The following SYTL2 variants were observed in gnomAD, a reference collection of about 807,000 sequenced individuals.
SYTL2 encodes synaptotagmin like 2.
In SYTL2, 165 loss-of-function variants were observed where a neutral mutation model predicts 198.7. The ratio of observed to expected loss-of-function variants is 0.83; its 90% CI spans 0.73 to 0.94. SYTL2 has a LOEUF of 0.94. SYTL2 is among the 40% of genes least tolerant of loss of function. SYTL2 has a pLI of 0.00. For missense variants in SYTL2, 2,835 were observed against 2,582.8 expected (o/e 1.10, Z -2.12); for synonymous variants, 966 against 917.7 (o/e 1.05, Z -0.95).
Position 85,712,879 on chromosome 11 carries a change from G to C in SYTL2, c.5625+1534C>G, listed in dbSNP as rs1465282542. 2.6e-5 allele frequency among the ~76,000 whole-genome samples: 4 copies of C among 152,008 alleles called. 1 individual carries two copies. The South Asian group carries it at 6.2e-4, about 24-fold the overall frequency. ...TTATAGACATGAGCCACCATGCCCG[G>C]CTAATTTTTTGAATTTTTAGTAGAG... On this transcript the variant is annotated intron_variant, in intron 12 of 19. Transcript: ENST00000359152.
chr11:85,810,547 C>A (rs772386870), intron 1 of SYTL2, among the ~76,000 whole-genome samples: 4 of 152,102 alleles, frequency 2.6e-5, no homozygotes, highest in Non-Finnish European at 5.9e-5. Flanking sequence ...TTCCCAACAC[C>A]CCACCTGTAA....
intron 1 of SYTL2, among the ~76,000 whole-genome samples, chr11:85,785,332 A>G (rs1034905939): frequency 2.6e-5 from 4 of 152,236 alleles, no homozygotes; most frequent in Non-Finnish European, 5.9e-5. Flanking sequence ...CAAGCAACAC[A>G]GCTGGACCCA....
chr11:85,829,138 T>C, the SYTL2 span, among the ~76,000 whole-genome samples: 2 of 152,094 alleles, frequency 1.3e-5, no homozygotes, highest in African/African-American at 4.8e-5. Flanking sequence ...TATGGGGGTA[T>C]ATTATGTGAT....
chr11:85,852,250 G>A, the SYTL2 span, among the ~76,000 whole-genome samples: 3 of 152,192 alleles, frequency 2.0e-5, no homozygotes, highest in Non-Finnish European at 2.9e-5. Context: ...GAAGCCTAAA[G>A]GGGCCTCATT....
At chr11:85,754,594 T>C (rs138732463) in intron 2 of SYTL2, among the ~76,000 whole-genome samples, 8 of 152,366 alleles carry the variant, frequency 5.3e-5, no homozygotes, top group Admixed American at 5.2e-4. Flanking sequence ...CAGGTCACTG[T>C]AATTTTGTAT....
chr11:85,721,788 G>GGATT (rs1394369872), intron 8 of SYTL2, among the ~76,000 whole-genome samples: 8 of 152,226 alleles, frequency 5.3e-5, no homozygotes, highest in African/African-American at 1.9e-4. Context: ...CATAGCAAAT[G>GGATT]GATTCTAAGA....
the SYTL2 span, among the ~76,000 whole-genome samples, chr11:85,851,057 G>A: frequency 1.3e-4 from 20 of 150,270 alleles, no homozygotes; most frequent in Non-Finnish European, 2.5e-4. Flanking sequence ...GGATAGCATC[G>A]GGAGACATAC....
At chr11:85,818,527 T>A in the SYTL2 span, among the ~76,000 whole-genome samples, 1 of 152,294 alleles carries the variant, frequency 6.6e-6, no homozygotes, top group East Asian at 1.9e-4. Context: ...TCTGGTTTTA[T>A]GTAAAAATCA....
intron 1 of SYTL2, among the ~76,000 whole-genome samples, chr11:85,771,592 G>A (rs1023812391): frequency 2.0e-5 from 3 of 152,100 alleles, no homozygotes; most frequent in African/African-American, 4.8e-5. Context: ...GAATTCCCTC[G>A]CTTTCAAGGC....
At chr11:85,848,344 T>C in the SYTL2 span, among the ~76,000 whole-genome samples, 2 of 152,130 alleles carry the variant, frequency 1.3e-5, no homozygotes, top group African/African-American at 4.8e-5. Flanking sequence ...CTTTTTTTCT[T>C]TTTTGAATCA....
At chr11:85,785,336 G>A (rs895987267) in intron 1 of SYTL2, among the ~76,000 whole-genome samples, 4 of 152,154 alleles carry the variant, frequency 2.6e-5, no homozygotes, top group Non-Finnish European at 4.4e-5. Context: ...CAACACAGCT[G>A]GACCCAGGAC....
At chr11:85,807,631 C>T (rs947856843) in intron 1 of SYTL2, among the ~76,000 whole-genome samples, 3 of 152,182 alleles carry the variant, frequency 2.0e-5, no homozygotes, top group Non-Finnish European at 2.9e-5. Flanking sequence ...GAATTTTCTG[C>T]AAATTACTGT....
the SYTL2 span, among the ~76,000 whole-genome samples, chr11:85,821,175 A>G: frequency 6.6e-6 from 1 of 152,328 alleles, no homozygotes; most frequent in South Asian, 2.1e-4. Context: ...CTTTTTTTAT[A>G]GCTTAACATT....
At chr11:85,844,036 G>A in the SYTL2 span, among the ~76,000 whole-genome samples, 1 of 152,208 alleles carries the variant, frequency 6.6e-6, no homozygotes, top group Non-Finnish European at 1.5e-5. Flanking sequence ...TTCGATAGAA[G>A]AAGGATTTTT....
intron 14 of SYTL2, chr11:85,707,990 AC>A (rs2085506438): frequency 6.8e-6 from 2 of 292,140 alleles, no homozygotes; most frequent in African/African-American, 4.8e-5. Context: ...ACACACACAC[AC>A]ACACACACAC....
the SYTL2 span, among the ~76,000 whole-genome samples, chr11:85,836,619 T>C: frequency 1.3e-5 from 2 of 152,128 alleles, no homozygotes; most frequent in South Asian, 2.1e-4. Context: ...AGGGTAGATA[T>C]GCATGATGGC....
At chr11:85,829,572 G>C in the SYTL2 span, among the ~76,000 whole-genome samples, 1 of 152,198 alleles carries the variant, frequency 6.6e-6, no homozygotes, top group East Asian at 1.9e-4. Context: ...ACACCCAGTA[G>C]TGGGATTGCT....
intron 1 of SYTL2, among the ~76,000 whole-genome samples, chr11:85,786,369 TACAACTTAATACA>T (rs2092636098): frequency 1.3e-5 from 2 of 152,164 alleles, no homozygotes; most frequent in Non-Finnish European, 1.5e-5. Flanking sequence ...TAAAATTGTA[TACAACTTAATACA>T]CACAGGCCCA....
chr11:85,735,155 T>C (rs78385915), intron 6 of SYTL2, among the ~76,000 whole-genome samples: 2,922 of 152,308 alleles, frequency 0.019, 56 homozygotes, highest in Admixed American at 0.036. Context: ...AGAGGGTGTA[T>C]ATGGAAAACG....
Sources: allele counts gnomAD v4.1 joint callset (sites outside exome capture counted in the v4.1 genomes callset), GRCh38; gene constraint gnomAD v4.1.1; transcripts MANE v1.5; gene names NCBI Gene and HGNC (gene_info 2026-07-23, HGNC 2026-07-21).